ANKRD30BL: variants seen among roughly 807,000 people sequenced by gnomAD.
The protein encoded by ANKRD30BL is putative ankyrin repeat domain-containing protein 30B-like.
Under a neutral mutation model 18.4 loss-of-function variants are expected in ANKRD30BL, and 20 were observed. The ratio of observed to expected loss-of-function variants is 1.09; its 90% CI spans 0.77 to 1.58. The LOEUF is 1.58. Ranked by LOEUF, ANKRD30BL falls within the 40% of genes most tolerant of loss-of-function variation. ANKRD30BL has a pLI of 0.00. For synonymous variants in ANKRD30BL, 72 were observed against 100.9 expected (o/e 0.71, Z 1.72); for missense variants, 224 against 268.6 (o/e 0.83, Z 1.16).
intron 1 of ANKRD30BL, among the ~76,000 whole-genome samples, chr2:132,198,339 TTTTA>T (rs1352857393): frequency 2.3e-5 from 3 of 130,208 alleles, no homozygotes; most frequent in East Asian, 4.6e-4. Context: ...TTTTTTTTTT[TTTTA>T]GACAGAGTCT....
intron 1 of ANKRD30BL, among the ~76,000 whole-genome samples, chr2:132,247,911 T>C (rs568170780): frequency 2.8e-4 from 42 of 152,240 alleles, no homozygotes; most frequent in Non-Finnish European, 5.3e-4. Context: ...ATGTTCTGTC[T>C]AGTTTTTATG....
At chr2:132,238,345 C>A (rs1680216694) in intron 1 of ANKRD30BL, among the ~76,000 whole-genome samples, 2 of 151,406 alleles carry the variant, frequency 1.3e-5, no homozygotes, top group African/African-American at 4.8e-5. Context: ...TTCTTTGTGA[C>A]GTGTGCATTC....
chr2:132,210,387 T>C (rs960384384), intron 1 of ANKRD30BL, among the ~76,000 whole-genome samples: 1 of 151,174 alleles, frequency 6.6e-6, no homozygotes, highest in African/African-American at 2.4e-5. Flanking sequence ...AAAAACTGGA[T>C]GGAAGCATTC....
chr2:132,181,937 C>A (rs921819775), intron 1 of ANKRD30BL, among the ~76,000 whole-genome samples: 3 of 151,920 alleles, frequency 2.0e-5, no homozygotes, highest in African/African-American at 7.3e-5. Context: ...CATGGAGAAA[C>A]CCCATCTCTA....
intron 1 of ANKRD30BL, among the ~76,000 whole-genome samples, chr2:132,237,263 C>G (rs1447812342): frequency 6.6e-6 from 1 of 151,896 alleles, no homozygotes; most frequent in Non-Finnish European, 1.5e-5. Context: ...AACCCTAAAA[C>G]TTAAAGAATA....
Position 132,148,570 on chromosome 2 carries a change from A to C in ANKRD30BL, c.680-342T>G, listed in dbSNP as rs545822839. Among the ~76,000 whole-genome samples the C allele has an allele frequency of 1.1e-4, 16 of 151,588 alleles. 1 individual carries two copies. The South Asian group carries it at 1.5e-3, about 14-fold the overall frequency. On this transcript the variant is annotated intron_variant, in intron 5 of 5. Transcript: ENST00000409867. ...TATTTAGTAGAGATGGGATTTCACC[A>C]TGTTAGTCAGGGTGGTCCCAAACTC...
intron 1 of ANKRD30BL, among the ~76,000 whole-genome samples, chr2:132,243,881 G>C (rs1207801725): frequency 6.6e-6 from 1 of 152,256 alleles, no homozygotes; most frequent in Non-Finnish European, 1.5e-5. Context: ...GCGCTTTGAG[G>C]CCTATGATGA....
intron 1 of ANKRD30BL, among the ~76,000 whole-genome samples, chr2:132,248,608 G>T (rs1409715103): frequency 6.6e-6 from 1 of 152,064 alleles, no homozygotes; most frequent in African/African-American, 2.4e-5. Flanking sequence ...GTTTTTATGT[G>T]AAGATATTTC....
intron 1 of ANKRD30BL, among the ~76,000 whole-genome samples, chr2:132,171,526 T>C (rs1049340829): frequency 1.3e-5 from 2 of 152,096 alleles, no homozygotes; most frequent in African/African-American, 2.4e-5. Context: ...CTGATAGGAG[T>C]TCATCAAACA....
intron 1 of ANKRD30BL, among the ~76,000 whole-genome samples, chr2:132,218,109 G>A (rs532859309): frequency 0.011 from 1,605 of 151,154 alleles, 1 homozygote; most frequent in African/African-American, 0.036. Flanking sequence ...CATTGGAAAC[G>A]GGTATATCTT....
chr2:132,231,398 A>G (rs113900555), intron 1 of ANKRD30BL, among the ~76,000 whole-genome samples: 10,892 of 152,270 alleles, frequency 0.072, 1,283 homozygotes, highest in African/African-American at 0.25. Context: ...CGCAGAAGAC[A>G]GGTGATTTCT....
rs539806876 is a variant in ANKRD30BL, at chr2:132,237,438, G to A, written n.441+20091C>T. Among the ~76,000 whole-genome samples, 1,436 of 151,998 alleles carry A rather than the reference G, an allele frequency of 9.4e-3. 21 individuals are homozygous for A. The highest frequency in any genetic ancestry group is 0.032 in the African/African-American group (1,308 of 41,488). On this transcript the variant is annotated intron_variant and non_coding_transcript_variant, in intron 1 of 4. Transcript: ENST00000470729. ...CAGCATTGAGGATTTCGTTGGAAAC[G>A]GGAATATCTTCACATAAAACTAGAC...
At chr2:132,233,157 G>A (rs1175588799) in intron 1 of ANKRD30BL, among the ~76,000 whole-genome samples, 200 of 151,224 alleles carry the variant, frequency 1.3e-3, no homozygotes, top group African/African-American at 4.6e-3. Flanking sequence ...TCACCACCAG[G>A]CCTGCCCTAA....
At chr2:132,221,067 G>A (rs1211572242) in intron 1 of ANKRD30BL, among the ~76,000 whole-genome samples, 2 of 149,502 alleles carry the variant, frequency 1.3e-5, no homozygotes, top group Non-Finnish European at 3.0e-5. Flanking sequence ...TCTGAGAAGT[G>A]AGGAAACCCT....
At chr2:132,217,940 G>T (rs62165480) in intron 1 of ANKRD30BL, among the ~76,000 whole-genome samples, 1 of 81,020 alleles carries the variant, frequency 1.2e-5, no homozygotes, top group Non-Finnish European at 2.8e-5. Flanking sequence ...TTGGAAACGG[G>T]TATATCTTCA....
chr2:132,165,263 T>A (rs2104937060), upstream of ANKRD30BL, among the ~76,000 whole-genome samples: 1 of 152,228 alleles, frequency 6.6e-6, no homozygotes, highest in African/African-American at 2.4e-5. Flanking sequence ...TCAGTTTTTT[T>A]TTTTTTTCCA....
intron 1 of ANKRD30BL, among the ~76,000 whole-genome samples, chr2:132,234,166 C>A (rs1268474085): frequency 1.3e-5 from 2 of 152,122 alleles, no homozygotes; most frequent in South Asian, 2.1e-4. Flanking sequence ...ATACCAGAAT[C>A]TCTGGGACAC....
At chr2:132,240,134 T>G (rs1680274267) in intron 1 of ANKRD30BL, among the ~76,000 whole-genome samples, 1 of 151,836 alleles carries the variant, frequency 6.6e-6, no homozygotes, top group Non-Finnish European at 1.5e-5. Flanking sequence ...AGACCTATGG[T>G]GAAAAAGGTA....
chr2:132,208,086 A>G (rs1679245427), intron 1 of ANKRD30BL, among the ~76,000 whole-genome samples: 1 of 152,084 alleles, frequency 6.6e-6, no homozygotes, highest in Non-Finnish European at 1.5e-5. Context: ...GCTCCATAGG[A>G]AAATTCTGCC....
Sources: allele counts gnomAD v4.1 joint callset (sites outside exome capture counted in the v4.1 genomes callset), GRCh38; gene constraint gnomAD v4.1.1; transcripts MANE v1.5; gene names NCBI Gene and HGNC (gene_info 2026-07-23, HGNC 2026-07-21).